Variants in KCNH5 observed in about 807,000 individuals in gnomAD.
KCNH5 encodes the protein potassium voltage-gated channel subfamily H member 5.
A neutral mutation model predicts 96.1 loss-of-function variants in KCNH5; 46 were observed. The observed-to-expected ratio is 0.48, with a 90% CI of 0.38 to 0.61. The LOEUF is 0.61. Ranked by LOEUF, KCNH5 falls within the 20% of genes least tolerant of loss-of-function variation. The probability of loss-of-function intolerance (pLI) is 0.00; values close to 1 mark genes in which losing one functional copy is unlikely to be tolerated. For missense variants in KCNH5, 907 were observed against 1,225.8 expected (o/e 0.74, Z 3.88); for synonymous variants, 439 against 449.8 (o/e 0.98, Z 0.30).
intron 9 of KCNH5, among the ~76,000 whole-genome samples, chr14:62,781,246 A>G (rs572675860): frequency 6.6e-6 from 1 of 152,312 alleles, no homozygotes; most frequent in Admixed American, 6.5e-5. Context: ...GTGTGCGAAT[A>G]GGTGTGGGTC....
chr14:62,890,392 C>T (rs1888682199), intron 7 of KCNH5, among the ~76,000 whole-genome samples: 2 of 152,080 alleles, frequency 1.3e-5, no homozygotes, highest in Admixed American at 6.6e-5. Flanking sequence ...AGAAAAACAA[C>T]CCCATTAAAA....
chr14:62,952,459 G>T (rs1271261059), intron 6 of KCNH5, among the ~76,000 whole-genome samples: 2 of 152,060 alleles, frequency 1.3e-5, no homozygotes, highest in Non-Finnish European at 2.9e-5. Flanking sequence ...AAGCCCTGGG[G>T]ATATTAAGAT....
intron 9 of KCNH5, among the ~76,000 whole-genome samples, chr14:62,789,229 G>C (rs905841867): frequency 2.0e-5 from 3 of 151,872 alleles, no homozygotes; most frequent in Non-Finnish European, 4.4e-5. Context: ...TGTCTTTAAG[G>C]TTCATCCATG....
intron 1 of KCNH5, among the ~76,000 whole-genome samples, chr14:63,037,635 A>G (rs1290543350): frequency 6.6e-6 from 1 of 152,236 alleles, no homozygotes; most frequent in Non-Finnish European, 1.5e-5. Context: ...AAGGGCTTAC[A>G]GAAAAGATCA....
intron 8 of KCNH5, among the ~76,000 whole-genome samples, chr14:62,825,407 ATT>A (rs201625724): frequency 6.7e-6 from 1 of 150,314 alleles, no homozygotes; most frequent in African/African-American, 2.4e-5. Context: ...TTTTTTTCAT[ATT>A]TTTTTTTGAC....
intron 8 of KCNH5, among the ~76,000 whole-genome samples, chr14:62,814,827 T>C (rs1886944806): frequency 7.9e-6 from 1 of 126,342 alleles, no homozygotes; most frequent in Admixed American, 8.7e-5. Flanking sequence ...AGTCACTTCA[T>C]ACGAAGTGGG....
intron 10 of KCNH5, among the ~76,000 whole-genome samples, chr14:62,745,845 C>G (rs962033315): frequency 6.6e-6 from 1 of 152,226 alleles, no homozygotes; most frequent in Non-Finnish European, 1.5e-5. Flanking sequence ...ACCATCTCCA[C>G]TAATCAGCTT....
intron 10 of KCNH5, among the ~76,000 whole-genome samples, chr14:62,716,761 C>T (rs895605822): frequency 6.6e-6 from 1 of 152,128 alleles, no homozygotes; most frequent in African/African-American, 2.4e-5. Flanking sequence ...ATGATCCCAT[C>T]ACTTCTACTT....
rs774013759 is a variant in KCNH5 at position 62,708,417 on chromosome 14, C to T, written c.2058G>A (p.Glu686=). ...FRKISDVKKE[E]EERLRQKNEV... ...CATTCTTCTGCCGGAGGCGCTCCTC[C>T]TCCTCTTTCTTCACATCACTGATCT... Residue 686 remains glutamate (E), a synonymous_variant, in exon 11 of 11, where the codon GAG becomes GAA. Coordinates refer to ENST00000322893, the MANE Select transcript of KCNH5 (RefSeq NM_139318.5). The T allele has an allele frequency of 1.2e-6, 2 of 1,607,234 alleles. No individual in the cohort carries two copies. The highest frequency in any genetic ancestry group is 1.3e-5 in the African/African-American group (1 of 74,894).
At position 62,769,410 on chromosome 14, in the gene KCNH5, G is replaced by C. The variant is rs146878940; in HGVS notation, c.2019+10318C>G. The stretch of plus-strand genomic sequence containing the variant: ...AAATGTGGCATGCAGGGTTTTCAGA[G>C]CAATCGTTTTCTCTTCAAAGTCCTT... On this transcript the variant is annotated intron_variant, in intron 10 of 10. Transcript: ENST00000322893. 4.3e-3 allele frequency among the ~76,000 whole-genome samples: 661 copies of C among 152,288 alleles called. 7 individuals carry two copies. The highest frequency in any genetic ancestry group is 0.015 in the African/African-American group (616 of 41,564).
chr14:62,838,932 T>C (rs1338852316), intron 8 of KCNH5, among the ~76,000 whole-genome samples: 1 of 152,202 alleles, frequency 6.6e-6, no homozygotes, highest in Non-Finnish European at 1.5e-5. Flanking sequence ...AAGACATATG[T>C]AAATTAATGT....
At chr14:62,847,784 C>A (rs940281209) in intron 8 of KCNH5, among the ~76,000 whole-genome samples, 1 of 152,160 alleles carries the variant, frequency 6.6e-6, no homozygotes, top group Non-Finnish European at 1.5e-5. Context: ...AAGTACCTTT[C>A]TTTAACTGCA....
intron 9 of KCNH5, among the ~76,000 whole-genome samples, chr14:62,796,612 G>T (rs1886547460): frequency 6.6e-6 from 1 of 152,138 alleles, no homozygotes; most frequent in African/African-American, 2.4e-5. Flanking sequence ...TAAGATGGTA[G>T]TCATGGCCCA....
intron 7 of KCNH5, among the ~76,000 whole-genome samples, chr14:62,850,077 T>A (rs564680158): frequency 2.0e-5 from 3 of 152,270 alleles, no homozygotes; most frequent in South Asian, 4.1e-4. Context: ...CTAGTCAACA[T>A]GACAAAATGT....
rs145993009 is a variant in KCNH5 at position 63,021,953 on chromosome 14, T to G, written c.74-4999A>C. On this transcript the variant is annotated intron_variant, in intron 1 of 10. Coordinates refer to ENST00000322893, the MANE Select transcript of KCNH5 (RefSeq NM_139318.5). ...AGTAGACATTAGAGTGCCTAAGTCC[T>G]CTCCTTTCTTTACTCTTATATGCTT... Among the ~76,000 whole-genome samples, 701 of 152,248 alleles carry G rather than the reference T, an allele frequency of 4.6e-3. 3 individuals carry two copies. The highest frequency in any genetic ancestry group is 0.011 in the East Asian group (59 of 5,168).
chr14:62,942,064 A>T (rs568242137), intron 7 of KCNH5, among the ~76,000 whole-genome samples: 1 of 152,210 alleles, frequency 6.6e-6, no homozygotes, highest in East Asian at 1.9e-4. Context: ...CCTTTACAGA[A>T]CATTTTCTAT....
intron 10 of KCNH5, among the ~76,000 whole-genome samples, chr14:62,759,691 C>G (rs972005233): frequency 6.6e-6 from 1 of 151,840 alleles, no homozygotes; most frequent in East Asian, 1.9e-4. Flanking sequence ...TGATCATCAC[C>G]ACTGTTACCA....
At chr14:62,823,127 C>A (rs1032460344) in intron 8 of KCNH5, among the ~76,000 whole-genome samples, 1 of 151,880 alleles carries the variant, frequency 6.6e-6, no homozygotes, top group Non-Finnish European at 1.5e-5. Context: ...CAAATTGTGA[C>A]CCTGGACTCC....
chr14:62,734,031 T>C (rs1885106351), intron 10 of KCNH5, among the ~76,000 whole-genome samples: 1 of 152,156 alleles, frequency 6.6e-6, no homozygotes, highest in African/African-American at 2.4e-5. Flanking sequence ...ATATCCAAGA[T>C]AATTATGTGC....
Sources: gnomAD v4.1 joint callset for allele counts (sites outside exome capture counted in the v4.1 genomes callset) on GRCh38, gnomAD v4.1.1 for gene constraint, MANE v1.5 for transcripts, NCBI Gene and HGNC (gene_info 2026-07-23, HGNC 2026-07-21) for gene names.